COL5A2: variants seen among roughly 807,000 people sequenced by gnomAD.
The protein encoded by COL5A2 is collagen alpha-2(V) chain.
Under a neutral mutation model 208.2 loss-of-function variants are expected in COL5A2, and 23 were observed. That is an observed-to-expected ratio of 0.11 (90% CI 0.08 to 0.16). The LOEUF is 0.16. Ranked by LOEUF, COL5A2 falls within the 10% of genes least tolerant of loss-of-function variation. The probability of loss-of-function intolerance (pLI) is 1.00; values close to 1 mark genes in which losing one functional copy is unlikely to be tolerated. For synonymous variants in COL5A2, 625 were observed against 628.5 expected (o/e 0.99, Z 0.08); for missense variants, 1,590 against 1,956.4 (o/e 0.81, Z 3.53).
intron 17 of COL5A2, among the ~76,000 whole-genome samples, chr2:189,073,905 T>C (rs896026048): frequency 3.3e-5 from 5 of 152,172 alleles, no homozygotes; most frequent in Admixed American, 1.3e-4. Context: ...CCTTGATCCA[T>C]AGCACTGTTA....
chr2:189,177,152 T>C (rs1212736115), intron 1 of COL5A2, among the ~76,000 whole-genome samples: 1 of 152,204 alleles, frequency 6.6e-6, no homozygotes, highest in Non-Finnish European at 1.5e-5. Context: ...AAAACAGATC[T>C]CCACATTTCC....
the COL5A2 span, among the ~76,000 whole-genome samples, chr2:189,318,998 G>A: frequency 6.6e-6 from 1 of 151,604 alleles, no homozygotes; most frequent in African/African-American, 2.4e-5. Flanking sequence ...GTGGTACTGT[G>A]CCAAGAGACA....
chr2:189,227,568 A>T (rs1689436480), upstream of COL5A2, among the ~76,000 whole-genome samples: 1 of 152,168 alleles, frequency 6.6e-6, no homozygotes, highest in Non-Finnish European at 1.5e-5. Context: ...AGAAGTAGCC[A>T]TACTTATACA....
At chr2:189,229,509 A>G (rs563106154), upstream of COL5A2, among the ~76,000 whole-genome samples, 68 of 151,864 alleles carry the variant, frequency 4.5e-4, no homozygotes, top group Middle Eastern at 3.4e-3. Context: ...ATCAACATAC[A>G]AAACTAATTG....
At chr2:189,263,877 G>C in the COL5A2 span, among the ~76,000 whole-genome samples, 1 of 152,010 alleles carries the variant, frequency 6.6e-6, no homozygotes, top group Non-Finnish European at 1.5e-5. Context: ...ATCACCTAAT[G>C]AAGCATTTCT....
intron 1 of COL5A2, among the ~76,000 whole-genome samples, chr2:189,119,027 T>C (rs1166078073): frequency 6.6e-6 from 1 of 152,078 alleles, no homozygotes; most frequent in African/African-American, 2.4e-5. Flanking sequence ...ATGTGCATAA[T>C]TGCATGGAAG....
At chr2:189,301,383 T>G in the COL5A2 span, among the ~76,000 whole-genome samples, 1 of 152,214 alleles carries the variant, frequency 6.6e-6, no homozygotes, top group Non-Finnish European at 1.5e-5. Flanking sequence ...TATTATCTGC[T>G]AAATCAGAAT....
At chr2:189,277,419 G>C in the COL5A2 span, among the ~76,000 whole-genome samples, 7 of 152,028 alleles carry the variant, frequency 4.6e-5, no homozygotes, top group African/African-American at 1.7e-4. Context: ...AAACGCAAAG[G>C]CTGGGTTAAT....
chr2:189,063,425 T>A (rs1487202056), intron 26 of COL5A2, among the ~76,000 whole-genome samples, 155 bp from the exon 27 acceptor site: 1 of 152,232 alleles, frequency 6.6e-6, no homozygotes, highest in Non-Finnish European at 1.5e-5. Flanking sequence ...ATGGGTTTTT[T>A]AAAAAACACT....
chr2:189,322,440 TAAA>T, the COL5A2 span, among the ~76,000 whole-genome samples: 1 of 151,502 alleles, frequency 6.6e-6, no homozygotes, highest in Non-Finnish European at 1.5e-5. Flanking sequence ...GCAAGACTAA[TAAA>T]GAAGAAAAGA....
In COL5A2 at chr2:189,052,707, G is replaced by T. The variant is rs73978809; in HGVS notation, c.2715+42C>A. On this transcript the variant is annotated intron_variant, in intron 40 of 53. Transcript: ENST00000374866. Reference sequence around the variant, plus strand: ...ATGACCAGGAAGCACTAGGTAACTAGAATTAGCTGTGCATACTTTGCAGAG... The same window carrying T: ...ATGACCAGGAAGCACTAGGTAACTATAATTAGCTGTGCATACTTTGCAGAG... The T allele has an allele frequency of 0.021, 33,420 of 1,585,712 alleles. 432 individuals carry two copies. The highest frequency in any genetic ancestry group is 0.023 in the Non-Finnish European group (26,302 of 1,154,218).
intron 6 of COL5A2, 54 bp downstream of exon 6, chr2:189,097,223 A>G: frequency 6.4e-7 from 1 of 1,552,418 alleles, no homozygotes; most frequent in South Asian, 1.1e-5. Context: ...CAGAGAACAC[A>G]GTGTAAACTG....
the COL5A2 span, among the ~76,000 whole-genome samples, chr2:189,256,840 C>T: frequency 6.6e-6 from 1 of 151,942 alleles, no homozygotes; most frequent in South Asian, 2.1e-4. Flanking sequence ...ATGTTGGCCA[C>T]GCTGGTCTCA....
chr2:189,275,879 T>G, the COL5A2 span, among the ~76,000 whole-genome samples: 2 of 152,208 alleles, frequency 1.3e-5, no homozygotes, highest in African/African-American at 4.8e-5. Context: ...TGTTTTGATT[T>G]TTAAACCTTC....
At chr2:189,407,503 A>G in the COL5A2 span, among the ~76,000 whole-genome samples, 1,284 of 152,304 alleles carry the variant, frequency 8.4e-3, 17 homozygotes, top group African/African-American at 0.029. Context: ...CTAAGTTACT[A>G]CATTATTTGG....
chr2:189,212,425 G>A (rs1055866694), intron 1 of COL5A2, among the ~76,000 whole-genome samples: 10 of 152,016 alleles, frequency 6.6e-5, no homozygotes, highest in African/African-American at 2.2e-4. Context: ...ATCAACTGAG[G>A]TCAGGAGTTC....
intron 1 of COL5A2, among the ~76,000 whole-genome samples, chr2:189,207,967 T>C (rs1342867916): frequency 6.6e-6 from 1 of 152,222 alleles, no homozygotes; most frequent in Non-Finnish European, 1.5e-5. Flanking sequence ...AATTTAGCCA[T>C]AATTCTCTGT....
chr2:189,255,808 T>C, the COL5A2 span, among the ~76,000 whole-genome samples: 1 of 152,122 alleles, frequency 6.6e-6, no homozygotes, highest in Non-Finnish European at 1.5e-5. Context: ...AAGATTAAAA[T>C]GGAAAGAACT....
the COL5A2 span, among the ~76,000 whole-genome samples, chr2:189,422,711 A>G: frequency 1.3e-5 from 2 of 152,298 alleles, no homozygotes; most frequent in South Asian, 4.1e-4. Flanking sequence ...TTAGAAGTCA[A>G]TAACAGGAGG....
Sources: gnomAD v4.1 joint callset for allele counts (sites outside exome capture counted in the v4.1 genomes callset) on GRCh38, gnomAD v4.1.1 for gene constraint, MANE v1.5 for transcripts, NCBI Gene and HGNC (gene_info 2026-07-23, HGNC 2026-07-21) for gene names.